The following SRGAP2C variants were observed in gnomAD, a reference collection of about 807,000 sequenced individuals.
The protein encoded by SRGAP2C is SLIT-ROBO Rho GTPase-activating protein 2C.
A neutral mutation model predicts 25.1 loss-of-function variants in SRGAP2C; 15 were observed. That is an observed-to-expected ratio of 0.60 (90% confidence interval 0.40 to 0.92). The LOEUF (loss-of-function observed/expected upper bound fraction) is 0.92, where lower values mean the gene tolerates loss of function less well. SRGAP2C is among the 40% of genes least tolerant of loss of function. The probability of loss-of-function intolerance (pLI) is 0.00; values close to 1 mark genes in which losing one functional copy is unlikely to be tolerated. For missense variants in SRGAP2C, 144 were observed against 264.4 expected, an observed-to-expected ratio of 0.54 and a Z score of 3.16; for synonymous variants, 44 against 96.6, an observed-to-expected ratio of 0.46 and a Z score of 3.19.
intron 3 of SRGAP2C, among the ~76,000 whole-genome samples, chr1:121,308,698 G>A (rs1657907425): frequency 6.6e-6 from 1 of 151,392 alleles, no homozygotes; most frequent in African/African-American, 2.4e-5. Flanking sequence ...CAGCACTTTG[G>A]GAGGCCAATG....
In SRGAP2C at chr1:121,241,226, A is replaced by C. The variant is rs1468965358; in HGVS notation, c.68-43577A>C. ...GACCCAAGGGTTAGGTAAGTGGCTA[A>C]GTTTTATTAAACATTGTTAAATATT... On this transcript the variant is annotated intron_variant, in intron 2 of 9. Transcript: ENST00000367123. 8.0e-5 allele frequency among the ~76,000 whole-genome samples: 5 copies of C among 62,616 alleles called. 1 individual carries two copies. Among genetic ancestry groups the C allele is most frequent in the Non-Finnish European group, 1.5e-4 (5 of 33,898 alleles). 41.1% of individuals were successfully genotyped at this position (62,616 alleles called of 152,430 possible). A position where few individuals can be genotyped will look rare whatever the true frequency, so the allele number is the denominator to read the frequency against.
rs587722585 is a variant in SRGAP2C at position 121,268,306 on chromosome 1, T to G, written c.68-16497T>G. 6.0e-5 allele frequency among the ~76,000 whole-genome samples: 9 copies of G among 150,822 alleles called. No individual in the cohort carries two copies. In the East Asian group the frequency reaches 1.7e-3, roughly 29 times the overall value. ...TATGCTTCCAGCGAAGGGAAGCATATGCAAAGGCCCTGAGGTGGGTGTTTG... is the reference window on the plus strand; with the variant it reads ...TATGCTTCCAGCGAAGGGAAGCATAGGCAAAGGCCCTGAGGTGGGTGTTTG... On this transcript the variant is annotated intron_variant, in intron 2 of 9. Coordinates refer to ENST00000367123, the MANE Select transcript of SRGAP2C (RefSeq NM_001329984.2).
At chr1:121,198,345 G>A (rs1455531621) in intron 2 of SRGAP2C, among the ~76,000 whole-genome samples, 1 of 144,740 alleles carries the variant, frequency 6.9e-6, no homozygotes, top group South Asian at 2.3e-4. Flanking sequence ...TTAATCAGTG[G>A]AGAGGTGACC....
chr1:121,355,476 C>T (rs1659044084), intron 4 of SRGAP2C, among the ~76,000 whole-genome samples: 1 of 87,988 alleles, frequency 1.1e-5, no homozygotes, highest in Admixed American at 1.2e-4. Context: ...CGCCACTACG[C>T]CCGGCTAACT....
intron 2 of SRGAP2C, among the ~76,000 whole-genome samples, chr1:121,267,965 A>G (rs1413886453): frequency 1.3e-5 from 2 of 151,452 alleles, no homozygotes; most frequent in African/African-American, 4.8e-5. Context: ...AATTGTTCCA[A>G]ATCCCATCAC....
At chr1:121,314,610 G>C (rs1454479203) in intron 3 of SRGAP2C, among the ~76,000 whole-genome samples, 5 of 150,710 alleles carry the variant, frequency 3.3e-5, no homozygotes, top group Non-Finnish European at 7.4e-5. Context: ...TTTCGGTGTG[G>C]ATGTCCTTTC....
chr1:121,309,143 A>G (rs1657918295), intron 3 of SRGAP2C, among the ~76,000 whole-genome samples: 1 of 100,584 alleles, frequency 9.9e-6, no homozygotes, highest in South Asian at 3.6e-4. Flanking sequence ...AGATGTTGAT[A>G]CTGATATATA....
rs61711288 is a variant in SRGAP2C, at chr1:121,272,160, CAAAAAAAAA to C, written c.68-12633_68-12625del. 7.6e-4 allele frequency among the ~76,000 whole-genome samples: 7 copies of C among 9,194 alleles called. 1 individual carries two copies. In the South Asian group the frequency reaches 0.015, roughly 20 times the overall value. The allele number at this position is 9,194 out of a possible 152,430, so 6.0% of individuals were successfully genotyped here. A position where few individuals can be genotyped will look rare whatever the true frequency, so the allele number is the denominator to read the frequency against. ...TGGGCAACAGAGCGAGACTCCATCT[CAAAAAAAAA>C]AAAAAAAAAGAAGAAGAAATGTATG... On this transcript the variant is annotated intron_variant, in intron 2 of 9. Coordinates refer to ENST00000367123, the MANE Select transcript of SRGAP2C (RefSeq NM_001329984.2).
intron 3 of SRGAP2C, among the ~76,000 whole-genome samples, chr1:121,320,867 A>G (rs1658187282): frequency 6.6e-6 from 1 of 152,046 alleles, no homozygotes. Context: ...GTATGATATT[A>G]AGCATGTTGA....
At chr1:121,259,658 G>A (rs1365244039) in intron 2 of SRGAP2C, among the ~76,000 whole-genome samples, 4 of 151,478 alleles carry the variant, frequency 2.6e-5, no homozygotes, top group Admixed American at 1.3e-4. Flanking sequence ...CTTTATTTCA[G>A]TCAATACAAT....
At chr1:121,260,159 T>A (rs1186195474) in intron 2 of SRGAP2C, among the ~76,000 whole-genome samples, 1 of 146,938 alleles carries the variant, frequency 6.8e-6, no homozygotes, top group Non-Finnish European at 1.5e-5. Context: ...GAGCTACCTG[T>A]GCCTGGCCCA....
chr1:121,383,122 A>C (rs1553355529), intron 8 of SRGAP2C, among the ~76,000 whole-genome samples, 197 bp downstream of exon 8: 1 of 149,894 alleles, frequency 6.7e-6, no homozygotes, highest in Admixed American at 6.7e-5. Context: ...GGGTGCAGAC[A>C]TGGGGGATTA....
Position 121,289,301 on chromosome 1 carries a change from C to T in SRGAP2C, c.260+4306C>T, listed in dbSNP as rs1195542103. ...GAAATCGAGCACAGCGCCGATGGTC[C>T]GGCACTGCTGGGGGACTCAGTACAC... On this transcript the variant is annotated intron_variant, in intron 3 of 9. Transcript: ENST00000367123. 3.7e-3 allele frequency among the ~76,000 whole-genome samples: 544 copies of T among 146,080 alleles called. 5 individuals are homozygous for T. Among genetic ancestry groups the T allele is most frequent in the African/African-American group, 0.013 (503 of 39,396 alleles).
At chr1:121,382,443 TTAAA>T (rs1255912852) in intron 7 of SRGAP2C, among the ~76,000 whole-genome samples, 2 of 151,808 alleles carry the variant, frequency 1.3e-5, no homozygotes, top group African/African-American at 2.4e-5. Context: ...TAGCGCTTAA[TTAAA>T]TAATGTCATT....
intron 2 of SRGAP2C, among the ~76,000 whole-genome samples, chr1:121,201,724 A>G: frequency 6.6e-6 from 1 of 152,390 alleles, no homozygotes; most frequent in South Asian, 2.1e-4. Context: ...CATGATGTGA[A>G]AGCAAGGCTA....
chr1:121,315,537 G>T (rs1658078079), intron 3 of SRGAP2C, among the ~76,000 whole-genome samples: 2 of 151,468 alleles, frequency 1.3e-5, no homozygotes, highest in Non-Finnish European at 2.9e-5. Flanking sequence ...ATTGACTAGG[G>T]CTTCTCTTAT....
chr1:121,334,590 C>T (rs1553342293), intron 4 of SRGAP2C, among the ~76,000 whole-genome samples: 2 of 113,976 alleles, frequency 1.8e-5, no homozygotes, highest in East Asian at 7.4e-4. Context: ...GTCTTGGCCT[C>T]CCAAAGTGGT....
chr1:121,379,607 T>TA (rs1553354301), intron 7 of SRGAP2C, among the ~76,000 whole-genome samples: 1 of 152,018 alleles, frequency 6.6e-6, no homozygotes, highest in South Asian at 2.1e-4. Flanking sequence ...CCCCTACAGG[T>TA]ATATAGATAG....
chr1:121,196,613 C>G lies in SRGAP2C; in HGVS notation c.67+9100C>G, dbSNP rs1553320644. Among the ~76,000 whole-genome samples, 2 of 79,438 alleles carry G rather than the reference C, an allele frequency of 2.5e-5. 1 individual carries two copies. The highest frequency in any genetic ancestry group is 1.2e-4 in the African/African-American group (2 of 16,330). The allele number at this position is 79,438 out of a possible 152,430, so 52.1% of individuals were successfully genotyped here. A position where few individuals can be genotyped will look rare whatever the true frequency, so the allele number is the denominator to read the frequency against. ...ATCACCTCCTTGCTGTGTGACCTTG[C>G]TGCAGTCACTCAACTTCTCTTCCAA... On this transcript the variant is annotated intron_variant, in intron 2 of 9. Transcript: ENST00000367123.
Sources: allele counts gnomAD v4.1 joint callset (sites outside exome capture counted in the v4.1 genomes callset), GRCh38; gene constraint gnomAD v4.1.1; transcripts MANE v1.5; gene names NCBI Gene and HGNC (gene_info 2026-07-23, HGNC 2026-07-21).